The following LEMD3 variants were observed in gnomAD, a reference collection of about 807,000 sequenced individuals.
LEMD3 encodes LEM domain containing 3, also known as inner nuclear membrane protein Man1.
Under a neutral mutation model 95.2 loss-of-function variants are expected in LEMD3, and 33 were observed. That is an observed-to-expected ratio of 0.35 (90% CI 0.26 to 0.46). The LOEUF (loss-of-function observed/expected upper bound fraction) is 0.46. Among genes scored for constraint, LEMD3 ranks in the 20% least tolerant of loss-of-function variants. The pLI is 1.00. For synonymous variants in LEMD3, 525 were observed against 474.6 expected (o/e 1.11, Z -1.38); for missense variants, 1,210 against 1,192.8 (o/e 1.01, Z -0.21).
intron 1 of LEMD3, among the ~76,000 whole-genome samples, chr12:65,183,592 G>A (rs1171730989): frequency 6.6e-6 from 1 of 152,096 alleles, no homozygotes; most frequent in East Asian, 1.9e-4. Context: ...ATATTAATTT[G>A]TCTAAGATTA....
chr12:65,238,907 T>C (rs1453179716), intron 6 of LEMD3, 93 bp downstream of exon 6: 5 of 1,215,508 alleles, frequency 4.1e-6, no homozygotes, highest in Non-Finnish European at 6.1e-6. Context: ...ATTTTTGTGA[T>C]GGTTGCCACA....
intron 1 of LEMD3, among the ~76,000 whole-genome samples, chr12:65,177,044 G>T (rs182657455): frequency 3.3e-5 from 5 of 152,226 alleles, no homozygotes; most frequent in African/African-American, 1.2e-4. Flanking sequence ...AAACATACAG[G>T]ATATTATGTG....
chr12:65,238,923 C>T (rs1870852707), intron 6 of LEMD3, 109 bp downstream of exon 6: 1 of 990,012 alleles, frequency 1.0e-6, no homozygotes, highest in Non-Finnish European at 1.6e-6. Context: ...CCACATAAGT[C>T]ACAGCTAGAT....
rs1013010389 is a variant in LEMD3, at chr12:65,170,714, C to T, written c.1118C>T (p.Thr373Ile). The T allele has an allele frequency of 1.9e-6, 3 of 1,614,146 alleles. No individual in the cohort carries two copies. The highest frequency in any genetic ancestry group is 2.7e-5 in the African/African-American group (2 of 74,948). The change falls in exon 1 of 13, where the codon ACT becomes ATT. Residue 373 changes from threonine (T) to isoleucine (I), a missense_variant. Thr to Ile is a moderately conservative substitution (Grantham distance 89). Transcript: ENST00000308330. ...ACCCCTCTCCTGCCCCCGCCACTTA[C>T]TGACATGGACTCAACCTTGGATTCG... is the stretch of plus-strand genomic sequence containing the variant. The part of the protein sequence containing the change: ...KLTPLLPPPL[T>I]DMDSTLDSST...
intron 12 of LEMD3, 75 bp from the exon 13 acceptor site, chr12:65,246,087 C>A: frequency 7.6e-7 from 1 of 1,320,848 alleles, no homozygotes; most frequent in Non-Finnish European, 1.1e-6. Context: ...GCTCATATGT[C>A]TTTTACCACA....
At chr12:65,177,113 C>A (rs1352364368) in intron 1 of LEMD3, among the ~76,000 whole-genome samples, 1 of 152,164 alleles carries the variant, frequency 6.6e-6, no homozygotes. Flanking sequence ...ATCAGTCTTA[C>A]ATGATCAAAA....
intron 1 of LEMD3, among the ~76,000 whole-genome samples, chr12:65,203,167 A>G (rs1318991390): frequency 6.6e-6 from 1 of 152,160 alleles, no homozygotes; most frequent in Non-Finnish European, 1.5e-5. Flanking sequence ...TTATGCATTC[A>G]TTAAGTCATT....
chr12:65,178,845 C>G (rs1192435533), intron 1 of LEMD3, among the ~76,000 whole-genome samples: 1 of 152,116 alleles, frequency 6.6e-6, no homozygotes, highest in Non-Finnish European at 1.5e-5. Flanking sequence ...GATATATGTT[C>G]TCTACTATTA....
chr12:65,234,597 C>T (rs1870721612), intron 4 of LEMD3, among the ~76,000 whole-genome samples: 1 of 151,872 alleles, frequency 6.6e-6, no homozygotes, highest in Admixed American at 6.6e-5. Flanking sequence ...GAATGTGTAC[C>T]CATAAAATGA....
chr12:65,213,087 A>AAGATAGATAGAT lies in LEMD3; in HGVS notation c.1560+2142_1560+2153dup, dbSNP rs147534273. The stretch of plus-strand genomic sequence containing the variant: ...GCCTGAGTGACAGAGCAAGACTGTA[A>AAGATAGATAGAT]AGATAGATAGATAGATAGATAGATA... On this transcript the variant is annotated intron_variant, in intron 2 of 12. Transcript: ENST00000308330. Among the ~76,000 whole-genome samples the AAGATAGATAGAT allele has an allele frequency of 4.6e-3, 699 of 152,012 alleles. 5 individuals are homozygous for AAGATAGATAGAT. The highest frequency in any genetic ancestry group is 0.017 in the African/African-American group (684 of 41,366).
At chr12:65,178,092 C>T (rs747323336) in intron 1 of LEMD3, among the ~76,000 whole-genome samples, 1 of 151,994 alleles carries the variant, frequency 6.6e-6, no homozygotes, top group Non-Finnish European at 1.5e-5. Flanking sequence ...GCGATCCTGT[C>T]ACCTTCGCCT....
rs1417261409 is a variant in LEMD3 at position 65,170,298 on chromosome 12, C to T, written c.702C>T (p.Thr234=). 6 of 1,580,300 alleles carry T rather than the reference C, an allele frequency of 3.8e-6. No individual in the cohort carries two copies. The highest frequency in any genetic ancestry group is 3.4e-5 in the South Asian group (3 of 87,010). Residue 234 remains threonine, a synonymous_variant, in exon 1 of 13, where the codon ACC becomes ACT. Transcript: ENST00000308330. ...GEDGEERDPE[T]EEPLWASRTV... is the part of the protein sequence containing the mutation. ...ACGGTGAGGAGAGGGACCCGGAGAC[C>T]GAGGAGCCGCTCTGGGCGAGCCGGA...
chr12:65,232,081 A>G (rs2136349850), intron 4 of LEMD3, among the ~76,000 whole-genome samples: 1 of 152,276 alleles, frequency 6.6e-6, no homozygotes, highest in East Asian at 1.9e-4. Context: ...TTGTTCAAAG[A>G]GCATGAACTT....
rs1388625322 is a variant in LEMD3 at position 65,170,892 on chromosome 12, C to T, written c.1296C>T (p.Ser432=). The change falls in exon 1 of 13, where the codon TCC becomes TCT. Residue 432 remains serine (S), a synonymous_variant. Transcript: ENST00000308330. ...TCAATCACGCCAATCATACGGGCTC[C>T]AATCATACCTACCTGAAAAACACAT... ...LRINHANHTG[S]NHTYLKNTYN... is the part of the protein sequence containing the mutation. 37 of 1,614,114 alleles carry T rather than the reference C, an allele frequency of 2.3e-5. No individual in the cohort carries two copies. The highest frequency in any genetic ancestry group is 3.0e-5 in the Non-Finnish European group (35 of 1,180,052).
rs1022322698 is a variant in LEMD3, at chr12:65,171,136, T to C, written c.1522+18T>C. 1 of 1,606,572 alleles carries C rather than the reference T, an allele frequency of 6.2e-7. No homozygotes were observed. Among genetic ancestry groups the C allele is most frequent in the Non-Finnish European group, 8.5e-7 (1 of 1,179,984 alleles). On this transcript the variant is annotated intron_variant, in intron 1 of 12. Coordinates refer to ENST00000308330, the MANE Select transcript of LEMD3 (RefSeq NM_014319.5). ...ACTCAGCAGTAAGTATTAAATCCTGTGGGTAAGGTAACAAAGAGAATGTTG... is the reference window on the plus strand; with the variant it reads ...ACTCAGCAGTAAGTATTAAATCCTGCGGGTAAGGTAACAAAGAGAATGTTG...
chr12:65,220,612 C>T (rs1237722468), intron 4 of LEMD3, among the ~76,000 whole-genome samples: 1 of 152,060 alleles, frequency 6.6e-6, no homozygotes, highest in Non-Finnish European at 1.5e-5. Flanking sequence ...GTTGCCTATG[C>T]TTTTGGTGTC....
chr12:65,195,969 A>T (rs376515960), intron 1 of LEMD3, among the ~76,000 whole-genome samples: 2 of 152,230 alleles, frequency 1.3e-5, no homozygotes, highest in East Asian at 3.9e-4. Flanking sequence ...TCCAATGAGA[A>T]TTCTGAATTC....
intron 1 of LEMD3, among the ~76,000 whole-genome samples, chr12:65,180,593 A>G (rs1316798383): frequency 2.6e-5 from 4 of 152,266 alleles, no homozygotes; most frequent in African/African-American, 9.6e-5. Context: ...GCCATCATGA[A>G]TTACTTTTCA....
At chr12:65,197,063 T>A (rs1005598082) in intron 1 of LEMD3, among the ~76,000 whole-genome samples, 2 of 152,056 alleles carry the variant, frequency 1.3e-5, no homozygotes, top group African/African-American at 4.8e-5. Context: ...TTGGTTAGAG[T>A]GGCAAGATCC....
Sources: gnomAD v4.1 joint callset for allele counts (sites outside exome capture counted in the v4.1 genomes callset) on GRCh38, gnomAD v4.1.1 for gene constraint, MANE v1.5 for transcripts, NCBI Gene and HGNC (gene_info 2026-07-23, HGNC 2026-07-21) for gene names.